CFTR: variants seen among roughly 807,000 people sequenced by gnomAD.
The protein encoded by CFTR is cystic fibrosis transmembrane conductance regulator.
Under a neutral mutation model 171.6 loss-of-function variants are expected in CFTR, and 181 were observed. The ratio of observed to expected loss-of-function variants is 1.05; its 90% CI spans 0.93 to 1.19. The LOEUF (loss-of-function observed/expected upper bound fraction) is 1.19, where lower values mean the gene tolerates loss of function less well. CFTR is among the 50% of genes most tolerant of loss of function. The pLI, the probability that CFTR is intolerant of heterozygous loss-of-function variation, is 0.00. For missense variants in CFTR, 1,968 were observed against 1,734.7 expected (o/e 1.13, Z -2.39); for synonymous variants, 583 against 608.0 (o/e 0.96, Z 0.60).
chr7:117,539,188 C>T lies in CFTR; in HGVS notation c.870-912C>T, dbSNP rs557457579. Among the ~76,000 whole-genome samples the T allele has an allele frequency of 5.3e-5, 8 of 152,168 alleles. No individual in the cohort carries two copies. The East Asian group carries it at 9.7e-4, about 18-fold the overall frequency. On this transcript the variant is annotated intron_variant, in intron 7 of 26. Transcript: ENST00000003084. ...TGGATGGCTTCGGGAAGACTGGGACCGAGCTGAAGGCAGTGTTGTCCTCTG... is the reference window on the plus strand; with the variant it reads ...TGGATGGCTTCGGGAAGACTGGGACTGAGCTGAAGGCAGTGTTGTCCTCTG...
At chr7:117,509,336 G>A (rs961308733) in intron 3 of CFTR, among the ~76,000 whole-genome samples, 194 bp downstream of exon 3, 3 of 152,142 alleles carry the variant, frequency 2.0e-5, no homozygotes, top group African/African-American at 4.8e-5. Context: ...CCTGGAACAC[G>A]GGTGGCAATT....
chr7:117,541,932 C>T, intron 8 of CFTR, 84 bp from the exon 9 acceptor site: 1 of 619,116 alleles, frequency 1.6e-6, no homozygotes, highest in Admixed American at 2.4e-5. Context: ...TAAGATGTAG[C>T]ACAATGAGAG....
At chr7:117,490,373 G>A (rs1798140706) in intron 1 of CFTR, among the ~76,000 whole-genome samples, 1 of 146,782 alleles carries the variant, frequency 6.8e-6, no homozygotes, top group South Asian at 2.2e-4. Flanking sequence ...ATAAGGAATT[G>A]ACTTACATGA....
At position 117,612,038 on chromosome 7, in the gene CFTR, T is replaced by TATATATAC. The variant is rs1554392423; in HGVS notation, c.3367+237_3367+238insCATATATA. Among the ~76,000 whole-genome samples, 3 of 77,572 alleles carry TATATATAC rather than the reference T, an allele frequency of 3.9e-5. No homozygotes were observed. The East Asian group carries it at 7.8e-4, about 20-fold the overall frequency. The allele number at this position is 77,572 out of a possible 152,430, so 50.9% of individuals were successfully genotyped here. A position where few individuals can be genotyped will look rare whatever the true frequency, so the allele number is the denominator to read the frequency against. ...ATATATATATGTATATATATATATA[T>TATATATAC]ATATATATATATATACATATATATA... On this transcript the variant is annotated intron_variant, in intron 20 of 26. Transcript: ENST00000003084.
chr7:117,480,248 A>G (rs1028101294), intron 1 of CFTR, 101 bp downstream of exon 1: 3 of 1,001,780 alleles, frequency 3.0e-6, no homozygotes, highest in Non-Finnish European at 4.8e-6. Flanking sequence ...GCAGTTTTTA[A>G]AAAGATGCGC....
chr7:117,621,429 T>C (rs1174361931), intron 21 of CFTR, among the ~76,000 whole-genome samples: 2 of 152,216 alleles, frequency 1.3e-5, no homozygotes, highest in African/African-American at 4.8e-5. Context: ...GAAAAGCAGC[T>C]GTACATAATA....
intron 11 of CFTR, among the ~76,000 whole-genome samples, chr7:117,584,428 T>C (rs1238890665): frequency 6.6e-6 from 1 of 152,108 alleles, no homozygotes; most frequent in Non-Finnish European, 1.5e-5. Context: ...TTAGATAGGG[T>C]ATCCTGTCCC....
chr7:117,638,630 G>C (rs1792865514), intron 22 of CFTR, among the ~76,000 whole-genome samples: 1 of 151,896 alleles, frequency 6.6e-6, no homozygotes, highest in Non-Finnish European at 1.5e-5. Flanking sequence ...CAGCTACTAG[G>C]GAAGCTAAGG....
Position 117,587,764 on chromosome 7 carries a change from AC to A in CFTR, c.1611del (p.Asp537GlufsTer3). Reference protein sequence around the residue: ...EEDISKFAEKDNIVLGEGGIT... With the variant: ...EEDISKFAEKXNIVLGEGGIT... ...GACATCTCCAAGTTTGCAGAGAAAG[AC>A]AATATAGTTCTTGGAGAAGGTGGAA... On this transcript the variant is annotated frameshift_variant, in exon 12 of 27. Transcript: ENST00000003084. LOFTEE classifies it high-confidence loss of function. The A allele has an allele frequency of 6.2e-7, 1 of 1,611,220 alleles. No homozygotes were observed. The highest frequency in any genetic ancestry group is 8.5e-7 in the Non-Finnish European group (1 of 1,177,558).
rs183653587 is a variant in CFTR, at chr7:117,668,294, T to C, written c.*1186T>C. ...ATGCTGTATTTTAAAAGAATGATTA[T>C]GAATTACATTTGTATAAAATAATTT... On this transcript the variant is annotated 3_prime_UTR_variant, in exon 27 of 27. Coordinates refer to ENST00000003084, the MANE Select transcript of CFTR (RefSeq NM_000492.4). 4.4e-4 allele frequency: 67 copies of C among 152,374 alleles called. No homozygotes were observed. Among genetic ancestry groups the C allele is most frequent in the African/African-American group, 1.6e-3 (66 of 41,592 alleles). The allele number at this position is 152,374 out of a possible 1,614,324, so 9.4% of individuals were successfully genotyped here.
At chr7:117,654,501 G>A (rs1793136548) in intron 24 of CFTR, among the ~76,000 whole-genome samples, 1 of 152,152 alleles carries the variant, frequency 6.6e-6, no homozygotes, top group African/African-American at 2.4e-5. Context: ...TAATCTCCAT[G>A]TGTTGAGGGA....
In CFTR at chr7:117,652,483, G is replaced by GT. The variant is rs35921938; in HGVS notation, c.3874-352dup. On this transcript the variant is annotated intron_variant, in intron 23 of 26. Transcript: ENST00000003084. ...TAATTATAACTCATAAACTTATTGG[G>GT]TTTTTTTACCTTTTAATTTTATATT... 7.9e-5 allele frequency among the ~76,000 whole-genome samples: 12 copies of GT among 152,094 alleles called. 1 individual carries two copies. The East Asian group carries it at 2.3e-3, about 29-fold the overall frequency.
intron 23 of CFTR, among the ~76,000 whole-genome samples, chr7:117,646,864 C>T (rs1424215369): frequency 2.0e-5 from 3 of 151,942 alleles, no homozygotes; most frequent in Admixed American, 6.6e-5. Context: ...ATTATTTGGT[C>T]AGACCAGGGA....
chr7:117,515,251 G>A (rs373515149), intron 3 of CFTR, among the ~76,000 whole-genome samples: 31 of 152,060 alleles, frequency 2.0e-4, no homozygotes, highest in Non-Finnish European at 3.4e-4. Flanking sequence ...ATGGTATTGC[G>A]TAGGTTTTCT....
intron 3 of CFTR, among the ~76,000 whole-genome samples, chr7:117,529,615 C>G (rs1050375280): frequency 6.6e-6 from 1 of 151,502 alleles, no homozygotes; most frequent in Non-Finnish European, 1.5e-5. Context: ...ACAGAATGAG[C>G]AGCTACACAA....
At position 117,480,108 on chromosome 7, in the gene CFTR, C is replaced by T. The variant is rs193922501; in HGVS notation, c.14C>T (p.Pro5Leu). The T allele has an allele frequency of 2.2e-5, 35 of 1,613,770 alleles. No individual in the cohort carries two copies. In the Middle Eastern group the frequency reaches 4.9e-4, roughly 23 times the overall value. The change falls in exon 1 of 27, where the codon CCT becomes CTT. Residue 5 changes from proline to leucine, a missense_variant. Transcript: ENST00000003084. The part of the protein sequence containing the change: MQRS[P>L]LEKASVVSKL... Reference sequence around the variant, plus strand: ...GCCCGAGAGACCATGCAGAGGTCGCCTCTGGAAAAGGCCAGCGTTGTCTCC... The same window carrying T: ...GCCCGAGAGACCATGCAGAGGTCGCTTCTGGAAAAGGCCAGCGTTGTCTCC...
At chr7:117,488,519 T>C (rs1175367404) in intron 1 of CFTR, among the ~76,000 whole-genome samples, 2 of 152,138 alleles carry the variant, frequency 1.3e-5, no homozygotes, top group Non-Finnish European at 2.9e-5. Flanking sequence ...ATTGCCTCTT[T>C]TTTTGGAATA....
At chr7:117,501,772 G>GA (rs1798332750) in intron 1 of CFTR, among the ~76,000 whole-genome samples, 11 of 73,576 alleles carry the variant, frequency 1.5e-4, no homozygotes, top group East Asian at 8.1e-4. Flanking sequence ...AAAAAAAAAA[G>GA]AAACAAAAAA....
At chr7:117,552,617 C>T (rs149148174) in intron 10 of CFTR, among the ~76,000 whole-genome samples, 2 of 152,042 alleles carry the variant, frequency 1.3e-5, no homozygotes, top group East Asian at 3.9e-4. Flanking sequence ...CTCATCTGTC[C>T]ATTTTCCATT....
Sources: allele counts gnomAD v4.1 joint callset (sites outside exome capture counted in the v4.1 genomes callset), GRCh38; gene constraint gnomAD v4.1.1; transcripts MANE v1.5; gene names NCBI Gene and HGNC (gene_info 2026-07-23, HGNC 2026-07-21).